The following THBS3 variants were observed in gnomAD, a reference collection of about 807,000 sequenced individuals.
THBS3 encodes the protein thrombospondin 3, also known as thrombospondin-3.
Under a neutral mutation model 118.3 loss-of-function variants are expected in THBS3, and 78 were observed. The observed-to-expected ratio is 0.66, with a 90% CI of 0.55 to 0.80. The LOEUF (loss-of-function observed/expected upper bound fraction) is 0.80, where lower values mean the gene tolerates loss of function less well. Ranked by LOEUF, THBS3 falls within the 30% of genes least tolerant of loss-of-function variation. The pLI is 0.00. For missense variants in THBS3, 1,057 were observed against 1,247.4 expected, an observed-to-expected ratio of 0.85 and a Z score of 2.30; for synonymous variants, 427 against 475.3, an observed-to-expected ratio of 0.90 and a Z score of 1.32.
intron 5 of THBS3, 42 bp downstream of exon 5, chr1:155,203,471 T>G: frequency 6.2e-7 from 1 of 1,611,502 alleles, no homozygotes; most frequent in Non-Finnish European, 8.5e-7. Context: ...GCCTGGGGCC[T>G]CCTCCCCGCT....
intron 14 of THBS3, 56 bp downstream of exon 14, chr1:155,200,395 A>G: frequency 6.3e-7 from 1 of 1,590,074 alleles, no homozygotes; most frequent in Non-Finnish European, 8.6e-7. Context: ...CTTCATCCCC[A>G]CCTGATCCAA....
Position 155,202,141 on chromosome 1 carries a change from C to T in THBS3, c.1099-107G>A, listed in dbSNP as rs943192778. 1.5e-5 allele frequency: 24 copies of T among 1,601,200 alleles called. No homozygotes were observed. The African/African-American group carries it at 2.5e-4, about 17-fold the overall frequency. ...TGTGAACATCAACATTAAGCCCAGACCCAAAGCCGATGCAAAGCCATCCAT... is the reference window on the plus strand; with the variant it reads ...TGTGAACATCAACATTAAGCCCAGATCCAAAGCCGATGCAAAGCCATCCAT... On this transcript the variant is annotated intron_variant, in intron 9 of 22. Coordinates refer to ENST00000368378, the MANE Select transcript of THBS3 (RefSeq NM_007112.5). The surrounding 1 kb of genome is among the most constrained non-coding windows in gnomAD (Gnocchi z 5.5).
At position 155,202,498 on chromosome 1, in the gene THBS3, G is replaced by T; in HGVS notation, c.958-97C>A. ...AACCATTGCTCCAGGTCTCCCCTTT[G>T]TGCAGCTCTCCCCACACAACTGCCT... On this transcript the variant is annotated intron_variant, in intron 8 of 22. Transcript: ENST00000368378. This position sits in a 1 kb window ranked among gnomAD's most constrained non-coding sequence, Gnocchi z 5.5. The T allele has an allele frequency of 6.6e-7, 1 of 1,514,932 alleles. No homozygotes were observed. Among genetic ancestry groups the T allele is most frequent in the Non-Finnish European group, 8.9e-7 (1 of 1,124,880 alleles). 93.8% of individuals were successfully genotyped at this position (1,514,932 alleles called of 1,614,324 possible).
At chr1:155,203,567 AG>A (rs1301199550) in intron 4 of THBS3, 28 bp from the exon 5 acceptor site, 1 of 1,613,034 alleles carries the variant, frequency 6.2e-7, no homozygotes, top group Admixed American at 1.7e-5. Context: ...ACATAGTCAG[AG>A]GGGTGAGGTG....
chr1:155,201,064 T>A (rs1289762016), intron 12 of THBS3, 30 bp downstream of exon 12: 1 of 1,614,190 alleles, frequency 6.2e-7, no homozygotes, highest in South Asian at 1.1e-5. Context: ...GGCTCCCCAC[T>A]ACGCCCCCTT....
Position 155,202,045 on chromosome 1 carries a change from A to C in THBS3, c.1099-11T>G. The C allele has an allele frequency of 5.0e-6, 8 of 1,614,104 alleles. No homozygotes were observed. The highest frequency in any genetic ancestry group is 1.1e-5 in the South Asian group (1 of 91,086). ...GATGTCATTGCAGACCTGAAGGGGC[A>C]GACTTTGGGTGGAACCAGACCTATG... On this transcript the variant is annotated splice_polypyrimidine_tract_variant and intron_variant, in intron 9 of 22. Coordinates refer to ENST00000368378, the MANE Select transcript of THBS3 (RefSeq NM_007112.5). The surrounding 1 kb of genome is among the most constrained non-coding windows in gnomAD (Gnocchi z 5.5).
In THBS3 at chr1:155,202,322, C is replaced by G; in HGVS notation, c.1037G>C (p.Arg346Pro). 1 of 1,614,124 alleles carries G rather than the reference C, an allele frequency of 6.2e-7. No homozygotes were observed. Residue 346 changes from arginine (R) to proline (P), a missense_variant, in exon 9 of 23, where the codon CGA becomes CCA. Physicochemically the swap from Arg to Pro is moderately radical, Grantham distance 103. This residue lies in a region of THBS3 where 544 missense variants were observed against 715.6 expected (regional missense o/e 0.76). Transcript: ENST00000368378. This position sits in a 1 kb window ranked among gnomAD's most constrained non-coding sequence, Gnocchi z 5.5. ...MPGFHCEACP[R>P]GYKGTQVSGV... Reference sequence around the variant, plus strand: ...AGACACCTGTGTGCCCTTGTACCCTCGAGGACAGGCCTCACAGTGGAAGCC... The same window carrying G: ...AGACACCTGTGTGCCCTTGTACCCTGGAGGACAGGCCTCACAGTGGAAGCC...
chr1:155,200,703 A>C, intron 13 of THBS3, 93 bp from the exon 14 acceptor site: 1 of 1,568,950 alleles, frequency 6.4e-7, no homozygotes, highest in East Asian at 2.2e-5. Flanking sequence ...TTCTAAGATC[A>C]CACCCTTGTG....
chr1:155,200,174 T>TG, intron 14 of THBS3, 61 bp from the exon 15 acceptor site: 1 of 1,446,604 alleles, frequency 6.9e-7, no homozygotes, highest in Non-Finnish European at 9.3e-7. Flanking sequence ...TCTTCTAGGT[T>TG]GGTGAAAGTC....
At chr1:155,196,917 A>G in intron 21 of THBS3, 124 bp downstream of exon 21, 1 of 884,942 alleles carries the variant, frequency 1.1e-6, no homozygotes, top group Non-Finnish European at 1.7e-6. Flanking sequence ...GTCCGTGGTG[A>G]GAAGGGTGAT....
At chr1:155,199,909 G>T (rs1434371560) in intron 15 of THBS3, 53 bp from the exon 16 acceptor site, 1 of 1,611,686 alleles carries the variant, frequency 6.2e-7, no homozygotes, top group Non-Finnish European at 8.5e-7. Flanking sequence ...TCTGAAGAGG[G>T]TGATCTGACC....
chr1:155,200,997 C>T lies in THBS3; in HGVS notation c.1448G>A (p.Cys483Tyr). The change falls in exon 13 of 23, where the codon TGC (cysteine) becomes TAC (tyrosine). Residue 483 changes from cysteine (C) to tyrosine (Y), a missense_variant. Transcript: ENST00000368378. ...CTGCCCAGAGTTGGGTGTCAAAAGG[C>T]AGTTGTCCTAAAGTTCAGGGGAAGA... ...DNNKHCKQDN[C>Y]LLTPNSGQED... is the part of the protein sequence containing the mutation. The T allele has an allele frequency of 6.2e-7, 1 of 1,614,202 alleles. No individual in the cohort carries two copies.
chr1:155,202,766 C>A lies in THBS3; in HGVS notation c.957+46G>T. 3 of 1,571,528 alleles carry A rather than the reference C, an allele frequency of 1.9e-6. No homozygotes were observed. The highest frequency in any genetic ancestry group is 2.6e-6 in the Non-Finnish European group (3 of 1,157,676). On this transcript the variant is annotated intron_variant, in intron 8 of 22. Coordinates refer to ENST00000368378, the MANE Select transcript of THBS3 (RefSeq NM_007112.5). This position sits in a 1 kb window ranked among gnomAD's most constrained non-coding sequence, Gnocchi z 5.5. ...CACCCTCTTGGGTGCCTCCTGACAT[C>A]CTCACCCCAGTTTTCTGTACCCTTC...
chr1:155,201,562 A>C lies in THBS3; in HGVS notation c.1184T>G (p.Phe395Cys). The C allele has an allele frequency of 6.2e-7, 1 of 1,613,800 alleles. No homozygotes were observed. Among genetic ancestry groups the C allele is most frequent in the Non-Finnish European group, 8.5e-7 (1 of 1,179,864 alleles). The change falls in exon 11 of 23, where the codon TTC becomes TGC. Residue 395 changes from phenylalanine (F) to cysteine (C), a missense_variant. Transcript: ENST00000368378. ...ACCCAGGCGGCAGGGACCACACTTG[A>C]AAGAGCCCTAAGAGTGGAGAGGCAG... ...NSICTNTVGS[F>C]KCGPCRLGFL...
rs1669971106 is a variant in THBS3 at position 155,202,759 on chromosome 1, C to T, written c.957+53G>A. The T allele has an allele frequency of 6.4e-7, 1 of 1,565,572 alleles. No homozygotes were observed. Among genetic ancestry groups the T allele is most frequent in the African/African-American group, 1.4e-5 (1 of 73,662 alleles). ...TTTATCCCACCCTCTTGGGTGCCTC[C>T]TGACATCCTCACCCCAGTTTTCTGT... On this transcript the variant is annotated intron_variant, in intron 8 of 22. Coordinates refer to ENST00000368378, the MANE Select transcript of THBS3 (RefSeq NM_007112.5). The surrounding 1 kb of genome is among the most constrained non-coding windows in gnomAD (Gnocchi z 5.5).
In THBS3 at chr1:155,201,433, C is replaced by T. The variant is rs1244459648; in HGVS notation, c.1313G>A (p.Gly438Asp). The T allele has an allele frequency of 2.5e-6, 4 of 1,609,008 alleles. No homozygotes were observed. Among genetic ancestry groups the T allele is most frequent in the Non-Finnish European group, 3.4e-6 (4 of 1,177,264 alleles). ...CTAGCTCACCTGGCAGGACACTGCACCATTGCGTTCAAAGAGACAGTGAGC... is the reference window on the plus strand; with the variant it reads ...CTAGCTCACCTGGCAGGACACTGCATCATTGCGTTCAAAGAGACAGTGAGC... ...IHAHCLFERN[G>D]AVSCQCNVGW... The change falls in exon 11 of 23, where the codon GGT becomes GAT. Residue 438 changes from glycine (G) to aspartate (D), a missense_variant. By Grantham distance (94) the Gly-to-Asp change is moderately conservative. This residue lies in a region of THBS3 where 544 missense variants were observed against 715.6 expected (regional missense o/e 0.76). Transcript: ENST00000368378.
intron 4 of THBS3, among the ~76,000 whole-genome samples, chr1:155,204,467 G>A (rs1670257925): frequency 6.6e-6 from 1 of 151,858 alleles, no homozygotes; most frequent in African/African-American, 2.4e-5. Context: ...GAGGGCGCCT[G>A]TAATCCCAGC....
In THBS3 at chr1:155,197,485, G is replaced by A; in HGVS notation, c.2477C>T (p.Ala826Val). Residue 826 changes from alanine to valine, a missense_variant, in exon 20 of 23, where the codon GCC becomes GTC. Coordinates refer to ENST00000368378, the MANE Select transcript of THBS3 (RefSeq NM_007112.5). The surrounding 1 kb of genome is among the most constrained non-coding windows in gnomAD (Gnocchi z 5.0). ...YWQATPFRAV[A>V]QPGLQLKAVT... ...GACCTTGAGCTGCAGCCCGGGCTGG[G>A]CAACCGCCCGGAAGGGTGTAGCCTG... 1 of 1,613,404 alleles carries A rather than the reference G, an allele frequency of 6.2e-7. No homozygotes were observed. The highest frequency in any genetic ancestry group is 2.2e-5 in the East Asian group (1 of 44,878).
In THBS3 at chr1:155,198,099, G is replaced by A. The variant is rs142622242; in HGVS notation, c.2196C>T (p.Val732=). 1.4e-4 allele frequency: 234 copies of A among 1,614,142 alleles called. 1 individual carries two copies. Among genetic ancestry groups the A allele is most frequent in the Middle Eastern group, 1.2e-3 (7 of 6,062 alleles). ...GAGCATCACCCTCAGGATCCAGGAC[G>A]ACGGTCTGATAGGCCCGAAAATCCG... ...TLTDFRAYQT[V]VLDPEGDAQI... is the part of the protein sequence containing the mutation. The change falls in exon 18 of 23, where the codon GTC becomes GTT. Residue 732 remains valine, a synonymous_variant. Transcript: ENST00000368378.
Sources: gnomAD v4.1 joint callset for allele counts (sites outside exome capture counted in the v4.1 genomes callset) on GRCh38, gnomAD v4.1.1 for gene constraint, gnomAD v4.1.1 regional missense constraint, Gnocchi (gnomAD v3.1) non-coding constraint, MANE v1.5 for transcripts, NCBI Gene and HGNC (gene_info 2026-07-23, HGNC 2026-07-21) for gene names.